The following SNRPG variants were observed in gnomAD, a reference collection of about 807,000 sequenced individuals.
SNRPG encodes small nuclear ribonucleoprotein polypeptide G.
In SNRPG, 3 loss-of-function variants were observed where a neutral mutation model predicts 13.9. The observed-to-expected ratio is 0.22, with a 90% CI of 0.10 to 0.56. The LOEUF is 0.56. Ranked by LOEUF, SNRPG falls within the 20% of genes least tolerant of loss-of-function variation. The pLI is 0.93. For synonymous variants in SNRPG, 29 were observed against 29.3 expected (o/e 0.99, Z 0.03); for missense variants, 34 against 96.1 (o/e 0.35, Z 2.70).
chr2:70,292,929 GGCTCTCC>G, intron 1 of SNRPG: 2 of 567,518 alleles, frequency 3.5e-6, no homozygotes, highest in Non-Finnish European at 6.3e-6. Flanking sequence ...CCTAAAGTAA[GGCTCTCC>G]TACTTAAAGT....
chr2:70,282,425 C>T (rs747319671), intron 3 of SNRPG, among the ~76,000 whole-genome samples: 2 of 151,984 alleles, frequency 1.3e-5, no homozygotes, highest in Non-Finnish European at 2.9e-5. Context: ...GGAAATTGGG[C>T]AGAATTTTGA....
chr2:70,292,016 C>G (rs1697111719), intron 1 of SNRPG, among the ~76,000 whole-genome samples: 1 of 146,118 alleles, frequency 6.8e-6, no homozygotes, highest in East Asian at 2.0e-4. Context: ...GGCGCGATCT[C>G]GGCTCACTGC....
intron 3 of SNRPG, among the ~76,000 whole-genome samples, chr2:70,284,117 A>G (rs776553360): frequency 8.5e-5 from 13 of 152,176 alleles, no homozygotes; most frequent in Admixed American, 2.6e-4. Context: ...GGGAACTGAA[A>G]GAGTCTAAAG....
At chr2:70,292,508 G>A (rs1394564919) in intron 1 of SNRPG, among the ~76,000 whole-genome samples, 2 of 151,990 alleles carry the variant, frequency 1.3e-5, no homozygotes, top group African/African-American at 4.8e-5. Flanking sequence ...CCACCTGCCT[G>A]GCTAATTTTT....
At chr2:70,291,046 CACACACACACACAT>C (rs1283246760) in intron 1 of SNRPG, among the ~76,000 whole-genome samples, 2 of 139,938 alleles carry the variant, frequency 1.4e-5, no homozygotes, top group African/African-American at 5.1e-5. Context: ...CACACACACA[CACACACACACACAT>C]ATATGAAGTA....
intron 1 of SNRPG, chr2:70,293,243 T>G: frequency 1.4e-6 from 1 of 702,000 alleles, no homozygotes; most frequent in South Asian, 1.5e-5. Flanking sequence ...CCCTCCTTAG[T>G]TCCTTCAGAG....
At chr2:70,291,843 A>G (rs1697105533) in intron 1 of SNRPG, among the ~76,000 whole-genome samples, 1 of 151,950 alleles carries the variant, frequency 6.6e-6, no homozygotes, top group Admixed American at 6.6e-5. Context: ...AAAAAAAAAA[A>G]TCACCATTTC....
chr2:70,289,347 T>C lies in SNRPG; in HGVS notation c.55+3A>G. On this transcript the variant is annotated splice_donor_region_variant and intron_variant, in intron 2 of 3. Transcript: ENST00000272348. ...AAAAACCCCAAAACAACAACAAACTTACATGATAACTTCTTGTCCATAAAT... is the reference window on the plus strand; with the variant it reads ...AAAAACCCCAAAACAACAACAAACTCACATGATAACTTCTTGTCCATAAAT... 1 of 1,430,658 alleles carries C rather than the reference T, an allele frequency of 7.0e-7. No individual in the cohort carries two copies. Among genetic ancestry groups the C allele is most frequent in the Admixed American group, 1.8e-5 (1 of 54,568 alleles). 88.6% of individuals were successfully genotyped at this position (1,430,658 alleles called of 1,614,324 possible).
At chr2:70,288,505 C>T (rs546740550) in intron 2 of SNRPG, among the ~76,000 whole-genome samples, 57 of 152,280 alleles carry the variant, frequency 3.7e-4, no homozygotes, top group African/African-American at 1.2e-3. Flanking sequence ...GGGATCCTCC[C>T]GCTTTGGCCT....
chr2:70,292,007 G>A (rs1697111289), intron 1 of SNRPG, among the ~76,000 whole-genome samples: 1 of 150,456 alleles, frequency 6.6e-6, no homozygotes, highest in East Asian at 2.0e-4. Context: ...GAGTGCAGTG[G>A]CGCGATCTCG....
At position 70,291,014 on chromosome 2, in the gene SNRPG, AACACACACACACAC is replaced by A. The variant is rs56202448; in HGVS notation, c.33-1656_33-1643del. On this transcript the variant is annotated intron_variant, in intron 1 of 3. Coordinates refer to ENST00000272348, the MANE Select transcript of SNRPG (RefSeq NM_003096.4). The stretch of plus-strand genomic sequence containing the variant: ...CAATAAGAGTGAAACTCCATCTCAA[AACACACACACACAC>A]ACACACACACACACACACACACACA... 5.5e-3 allele frequency among the ~76,000 whole-genome samples: 736 copies of A among 133,670 alleles called. 3 individuals are homozygous for A. Among genetic ancestry groups the A allele is most frequent in the African/African-American group, 0.015 (513 of 35,226 alleles). 87.7% of individuals were successfully genotyped at this position (133,670 alleles called of 152,430 possible).
chr2:70,290,209 ATGTT>A (rs1435326822), intron 1 of SNRPG, among the ~76,000 whole-genome samples: 1 of 152,144 alleles, frequency 6.6e-6, no homozygotes, highest in Non-Finnish European at 1.5e-5. Context: ...AGACTTGCCT[ATGTT>A]TGGTTATTTC....
intron 3 of SNRPG, among the ~76,000 whole-genome samples, chr2:70,284,325 C>T (rs1696888332): frequency 6.6e-6 from 1 of 152,136 alleles, no homozygotes; most frequent in Non-Finnish European, 1.5e-5. Context: ...CATCACCATG[C>T]CCAGCATAAG....
chr2:70,293,557 C>T, intron 1 of SNRPG, 61 bp downstream of exon 1: 2 of 1,398,822 alleles, frequency 1.4e-6, no homozygotes, highest in Middle Eastern at 1.8e-4. Context: ...GGAGAGGGAA[C>T]CAAGGGACTC....
In SNRPG at chr2:70,281,594, T is replaced by C. The variant is rs748355544; in HGVS notation, c.*40A>G. On this transcript the variant is annotated 3_prime_UTR_variant, in exon 4 of 4. Transcript: ENST00000272348. ...TTACATCATAGTAAAACAGGCCCTA[T>C]GGAGAGAGGACATGGGTTTCTCTGC... 4 of 1,247,766 alleles carry C rather than the reference T, an allele frequency of 3.2e-6. No homozygotes were observed. The highest frequency in any genetic ancestry group is 3.0e-5 in the African/African-American group (2 of 66,030). The allele number at this position is 1,247,766 out of a possible 1,614,324, so 77.3% of individuals were successfully genotyped here.
chr2:70,293,268 G>A, intron 1 of SNRPG: 1 of 701,080 alleles, frequency 1.4e-6, no homozygotes, highest in Admixed American at 2.0e-5. Context: ...TCCCCCTCTA[G>A]CCGTCTATCT....
chr2:70,293,571 G>A, intron 1 of SNRPG, 47 bp downstream of exon 1: 1 of 1,526,274 alleles, frequency 6.6e-7, no homozygotes, highest in Non-Finnish European at 9.1e-7. Flanking sequence ...GGGACTCGCA[G>A]GACGCAAATA....
At chr2:70,290,563 A>G (rs1052435335) in intron 1 of SNRPG, among the ~76,000 whole-genome samples, 2 of 152,086 alleles carry the variant, frequency 1.3e-5, no homozygotes, top group Non-Finnish European at 2.9e-5. Flanking sequence ...AATGAAAAAA[A>G]GATGTTTAGT....
chr2:70,285,717 C>T (rs921406991), intron 3 of SNRPG, among the ~76,000 whole-genome samples: 1 of 152,132 alleles, frequency 6.6e-6, no homozygotes, highest in Non-Finnish European at 1.5e-5. Flanking sequence ...CCTAATTCTC[C>T]AAATCAAACT....
Sources: allele counts gnomAD v4.1 joint callset (sites outside exome capture counted in the v4.1 genomes callset), GRCh38; gene constraint gnomAD v4.1.1; transcripts MANE v1.5; gene names NCBI Gene and HGNC (gene_info 2026-07-23, HGNC 2026-07-21).